Variants in PTPRT observed in about 807,000 individuals in gnomAD.
PTPRT encodes receptor-type tyrosine-protein phosphatase T.
A neutral mutation model predicts 176.8 loss-of-function variants in PTPRT; 56 were observed. The ratio of observed to expected loss-of-function variants is 0.32; its 90% CI spans 0.26 to 0.40. The LOEUF is 0.40. Ranked by LOEUF, PTPRT falls within the 10% of genes least tolerant of loss-of-function variation. The pLI, the probability that PTPRT is intolerant of heterozygous loss-of-function variation, is 1.00. For missense variants in PTPRT, 1,540 were observed against 1,908.2 expected, an observed-to-expected ratio of 0.81 and a Z score of 3.60; for synonymous variants, 783 against 739.0, an observed-to-expected ratio of 1.06 and a Z score of -0.96.
chr20:42,116,211 A>G, intron 21 of PTPRT: 1 of 647,766 alleles, frequency 1.5e-6, no homozygotes. Flanking sequence ...GCTTTGCTAC[A>G]GGACTATTCA....
At chr20:42,791,872 A>G (rs1055170609) in intron 2 of PTPRT, among the ~76,000 whole-genome samples, 1 of 152,200 alleles carries the variant, frequency 6.6e-6, no homozygotes, top group Non-Finnish European at 1.5e-5. Context: ...CCAATTCTTT[A>G]TCCCTCCCTG....
intron 1 of PTPRT, among the ~76,000 whole-genome samples, chr20:43,091,603 C>G (rs571775645): frequency 4.6e-5 from 7 of 151,460 alleles, no homozygotes; most frequent in Non-Finnish European, 8.8e-5. Flanking sequence ...ATTTTTTCAG[C>G]CTTTAAGAAC....
chr20:42,757,675 C>T (rs530575472), intron 5 of PTPRT, among the ~76,000 whole-genome samples: 1 of 152,342 alleles, frequency 6.6e-6, no homozygotes, highest in South Asian at 2.1e-4. Flanking sequence ...AAGGACTTTC[C>T]TCTGTTCATC....
intron 1 of PTPRT, among the ~76,000 whole-genome samples, chr20:43,043,631 C>T (rs1483981988): frequency 1.3e-5 from 2 of 152,144 alleles, no homozygotes; most frequent in Admixed American, 1.3e-4. Flanking sequence ...CTGAGCTTCA[C>T]AATCCTAACC....
rs563482751 is a variant in PTPRT, at chr20:42,238,161, G to T, written c.2313-1903C>A. Among the ~76,000 whole-genome samples, 22 of 152,226 alleles carry T rather than the reference G, an allele frequency of 1.4e-4. No homozygotes were observed. The East Asian group carries it at 4.2e-3, about 29-fold the overall frequency. ...AAAAAGTTTAGAAAATTTGCCCGAG[G>T]CTCTATAACCAGTGCATGATAGAGG... On this transcript the variant is annotated intron_variant, in intron 14 of 30. Coordinates refer to ENST00000373187, the MANE Select transcript of PTPRT (RefSeq NM_007050.6).
chr20:42,050,020 C>T, the PTPRT span, among the ~76,000 whole-genome samples: 9 of 152,366 alleles, frequency 5.9e-5, no homozygotes, highest in East Asian at 3.9e-4. Flanking sequence ...ACCTAGCAGA[C>T]ATTCTGATTT....
chr20:42,613,751 T>A (rs1045551204), intron 7 of PTPRT, among the ~76,000 whole-genome samples: 1 of 152,136 alleles, frequency 6.6e-6, no homozygotes, highest in Non-Finnish European at 1.5e-5. Context: ...CAACACTAAA[T>A]CCCTTAGTCT....
the PTPRT span, among the ~76,000 whole-genome samples, chr20:42,057,167 T>C: frequency 6.6e-6 from 1 of 152,202 alleles, no homozygotes; most frequent in African/African-American, 2.4e-5. Context: ...GGATATTCAA[T>C]AATTACTGGA....
intron 8 of PTPRT, among the ~76,000 whole-genome samples, chr20:42,449,517 A>C (rs1311455019): frequency 6.6e-6 from 1 of 152,212 alleles, no homozygotes; most frequent in African/African-American, 2.4e-5. Flanking sequence ...TTACTCTTGG[A>C]CTAGAATTTT....
chr20:43,098,606 C>A (rs1369374966), intron 1 of PTPRT, among the ~76,000 whole-genome samples: 3 of 151,126 alleles, frequency 2.0e-5, no homozygotes, highest in African/African-American at 4.9e-5. Flanking sequence ...ACCGAAGAAC[C>A]AGCATGTGTC....
chr20:42,834,263 T>C (rs1241854540), intron 2 of PTPRT, among the ~76,000 whole-genome samples: 1 of 152,112 alleles, frequency 6.6e-6, no homozygotes, highest in African/African-American at 2.4e-5. Context: ...TTCAACATCA[T>C]TACTCATTAG....
rs11482189 is a variant in PTPRT, at chr20:43,016,552, CTTTTTTTT to C, written c.89-130628_89-130621del. On this transcript the variant is annotated intron_variant, in intron 1 of 30. Transcript: ENST00000373187. ...CATTTCTCTAACTGCTCTAAGGCCACTTTTTTTTTTTTTTTTTTTTTTTTTTTGAGGCA... is the reference window on the plus strand; with the variant it reads ...CATTTCTCTAACTGCTCTAAGGCCACTTTTTTTTTTTTTTTTTTTGAGGCA... Among the ~76,000 whole-genome samples the C allele has an allele frequency of 4.2e-4, 32 of 76,240 alleles. 1 individual carries two copies. Among genetic ancestry groups the C allele is most frequent in the African/African-American group, 1.5e-3 (22 of 14,288 alleles). 50.0% of individuals were successfully genotyped at this position (76,240 alleles called of 152,430 possible).
chr20:42,297,700 T>C (rs1275674487), intron 12 of PTPRT, among the ~76,000 whole-genome samples: 5 of 151,902 alleles, frequency 3.3e-5, no homozygotes, highest in African/African-American at 1.2e-4. Flanking sequence ...GAATACGACA[T>C]CCAGAAAAAC....
At chr20:42,194,018 AC>A (rs2146652068) in intron 16 of PTPRT, among the ~76,000 whole-genome samples, 1 of 152,280 alleles carries the variant, frequency 6.6e-6, no homozygotes, top group South Asian at 2.1e-4. Flanking sequence ...AGCTCTCTGA[AC>A]CTCAGTTTCC....
rs115146752 is a variant in PTPRT at position 42,885,581 on chromosome 20, C to T, written c.214+226G>A. 3.0e-3 allele frequency among the ~76,000 whole-genome samples: 452 copies of T among 152,102 alleles called. 1 individual carries two copies. Among genetic ancestry groups the T allele is most frequent in the African/African-American group, 0.01 (432 of 41,478 alleles). On this transcript the variant is annotated intron_variant, in intron 2 of 30. Coordinates refer to ENST00000373187, the MANE Select transcript of PTPRT (RefSeq NM_007050.6). ...TACTTGTAGCTAAAGCTTAGAATCT[C>T]GACGCTAAAAGAAATGCTGAATCCA...
chr20:42,327,596 A>T (rs2057904474), intron 11 of PTPRT, among the ~76,000 whole-genome samples: 1 of 152,078 alleles, frequency 6.6e-6, no homozygotes, highest in African/African-American at 2.4e-5. Context: ...TTTGAGAGAC[A>T]AGAGAAAGAG....
chr20:42,908,297 T>G lies in PTPRT; in HGVS notation c.89-22365A>C, dbSNP rs60757274. Among the ~76,000 whole-genome samples the G allele has an allele frequency of 5.7e-3, 870 of 152,260 alleles. 22 individuals carry two copies. In the East Asian group the frequency reaches 0.069, roughly 12 times the overall value. On this transcript the variant is annotated intron_variant, in intron 1 of 30. Coordinates refer to ENST00000373187, the MANE Select transcript of PTPRT (RefSeq NM_007050.6). ...AGCCACCCAGAAGCACGTCTGAATT[T>G]TTATAGCCCGAATCTTAAACACCTT...
chr20:42,852,624 G>C (rs1218801740), intron 2 of PTPRT, among the ~76,000 whole-genome samples: 1 of 151,974 alleles, frequency 6.6e-6, no homozygotes, highest in Non-Finnish European at 1.5e-5. Context: ...TTTTCCATCA[G>C]TTTGAGGATT....
chr20:42,945,929 A>T (rs1008689560), intron 1 of PTPRT, among the ~76,000 whole-genome samples: 4 of 152,058 alleles, frequency 2.6e-5, no homozygotes, highest in Non-Finnish European at 4.4e-5. Flanking sequence ...GTCTCTATGG[A>T]TCTGCCTTGT....
Sources: allele counts gnomAD v4.1 joint callset (sites outside exome capture counted in the v4.1 genomes callset), GRCh38; gene constraint gnomAD v4.1.1; transcripts MANE v1.5; gene names NCBI Gene and HGNC (gene_info 2026-07-23, HGNC 2026-07-21).